Variants in MSH3 observed in about 807,000 individuals in gnomAD.
MSH3 encodes the protein mutS homolog 3, also known as DNA mismatch repair protein Msh3.
MSH3 carries 106 observed loss-of-function variants against 123.3 expected under a neutral mutation model. The observed-to-expected ratio is 0.86, with a 90% CI of 0.73 to 1.01. The LOEUF (loss-of-function observed/expected upper bound fraction) is 1.01. MSH3 is among the 50% of genes least tolerant of loss of function. The probability of loss-of-function intolerance (pLI) is 0.00; values close to 1 mark genes in which losing one functional copy is unlikely to be tolerated. For synonymous variants in MSH3, 515 were observed against 481.4 expected (o/e 1.07, Z -0.91); for missense variants, 1,459 against 1,347.6 (o/e 1.08, Z -1.29).
chr5:80,705,453 C>G (rs1280528911), intron 8 of MSH3, among the ~76,000 whole-genome samples: 1 of 152,290 alleles, frequency 6.6e-6, no homozygotes, highest in South Asian at 2.1e-4. Flanking sequence ...GGAATATTTG[C>G]ACTCGTAATT....
intron 19 of MSH3, among the ~76,000 whole-genome samples, chr5:80,803,247 T>C (rs857290): frequency 0.74 from 111,666 of 151,858 alleles, 41,308 homozygotes; most frequent in East Asian, 0.96. Flanking sequence ...CATTTGTTAT[T>C]GCATGTCTTT....
intron 22 of MSH3, among the ~76,000 whole-genome samples, chr5:80,865,906 A>G (rs890100328): frequency 6.6e-6 from 1 of 152,210 alleles, no homozygotes; most frequent in Non-Finnish European, 1.5e-5. Context: ...CCACCATGCA[A>G]TCTTGAAAAA....
intron 20 of MSH3, among the ~76,000 whole-genome samples, chr5:80,814,776 GAT>G (rs1745073302): frequency 2.6e-5 from 4 of 152,132 alleles, no homozygotes; most frequent in Admixed American, 2.0e-4. Flanking sequence ...TCATTTTGTT[GAT>G]ATCCCTTTTT....
Position 80,734,190 on chromosome 5 carries a change from A to G in MSH3, c.1568+5225A>G, listed in dbSNP as rs572469792. Reference sequence around the variant, plus strand: ...GAAAATATTATGGTAGTTGAAAGACATCAGTCACAAAAAGTCTCGTTTTGT... The same window carrying G: ...GAAAATATTATGGTAGTTGAAAGACGTCAGTCACAAAAAGTCTCGTTTTGT... On this transcript the variant is annotated intron_variant, in intron 10 of 23. Coordinates refer to ENST00000265081, the MANE Select transcript of MSH3 (RefSeq NM_002439.5). Among the ~76,000 whole-genome samples the G allele has an allele frequency of 2.6e-5, 4 of 152,348 alleles. No homozygotes were observed. The South Asian group carries it at 8.3e-4, about 32-fold the overall frequency.
intron 20 of MSH3, among the ~76,000 whole-genome samples, chr5:80,845,369 A>G (rs887978760): frequency 1.3e-5 from 2 of 152,040 alleles, no homozygotes; most frequent in African/African-American, 2.4e-5. Context: ...GAATCTGACA[A>G]TTATGTGTCT....
intron 3 of MSH3, 49 bp from the exon 4 acceptor site, chr5:80,670,045 CTTA>C: frequency 6.5e-7 from 1 of 1,544,624 alleles, no homozygotes; most frequent in Non-Finnish European, 8.9e-7. Context: ...TCTCTGGGAA[CTTA>C]TTATTGTGGT....
intron 20 of MSH3, among the ~76,000 whole-genome samples, chr5:80,825,380 CT>C (rs1441083036): frequency 6.6e-6 from 1 of 152,102 alleles, no homozygotes; most frequent in Non-Finnish European, 1.5e-5. Context: ...CTGTAAGTGG[CT>C]TTTTCCCCCC....
intron 20 of MSH3, among the ~76,000 whole-genome samples, chr5:80,844,167 A>C (rs935590501): frequency 8.5e-5 from 13 of 152,074 alleles, no homozygotes; most frequent in African/African-American, 1.4e-4. Context: ...CCCAGTAGTC[A>C]TTCAGGAGCA....
intron 8 of MSH3, among the ~76,000 whole-genome samples, chr5:80,707,849 A>G (rs962822867): frequency 2.0e-5 from 3 of 152,204 alleles, no homozygotes; most frequent in African/African-American, 7.2e-5. Context: ...GACTCTTGTC[A>G]GTCTTTTAAA....
intron 17 of MSH3, among the ~76,000 whole-genome samples, chr5:80,786,503 CTT>C (rs1050925410): frequency 1.3e-5 from 2 of 152,278 alleles, no homozygotes; most frequent in African/African-American, 4.8e-5. Context: ...ATTTTCCAGT[CTT>C]TGAAGAATTT....
chr5:80,693,006 C>A (rs1341474067), intron 8 of MSH3, among the ~76,000 whole-genome samples: 1 of 137,854 alleles, frequency 7.3e-6, no homozygotes, highest in Non-Finnish European at 1.6e-5. Context: ...AATATACATG[C>A]ACATGTATAT....
At chr5:80,860,663 G>A (rs886762249) in intron 21 of MSH3, among the ~76,000 whole-genome samples, 10 of 151,654 alleles carry the variant, frequency 6.6e-5, no homozygotes, top group East Asian at 1.9e-4. Flanking sequence ...CATTTATCCC[G>A]TTTGGTGTTC....
chr5:80,759,824 A>G (rs935877072), intron 12 of MSH3, among the ~76,000 whole-genome samples: 8 of 152,076 alleles, frequency 5.3e-5, no homozygotes, highest in African/African-American at 1.9e-4. Context: ...TACAGAGTCC[A>G]CCCTGCTGAG....
chr5:80,693,139 ATG>A (rs1750358308), intron 8 of MSH3, among the ~76,000 whole-genome samples: 1 of 102,872 alleles, frequency 9.7e-6, no homozygotes, highest in African/African-American at 3.8e-5. Context: ...ATACATGCAC[ATG>A]TATATGTTTA....
rs763928973 is a variant in MSH3, at chr5:80,654,849, C to A, written c.122C>A (p.Thr41Lys). ...TGSLKSTSSSTGAADQVDPGA... is the reference protein window; with the variant it reads ...TGSLKSTSSSKGAADQVDPGA... ...AGCCTGAAATCCACCTCCTCCTCCA[C>A]AGGTGCAGCCGACCAGGTGGACCCT... is the stretch of plus-strand genomic sequence containing the variant. Residue 41 changes from threonine to lysine, a missense_variant, in exon 1 of 24, where the codon ACA becomes AAA. Coordinates refer to ENST00000265081, the MANE Select transcript of MSH3 (RefSeq NM_002439.5). 25 of 1,604,870 alleles carry A rather than the reference C, an allele frequency of 1.6e-5. No individual in the cohort carries two copies. The highest frequency in any genetic ancestry group is 8.2e-5 in the African/African-American group (6 of 73,252).
chr5:80,729,182 G>C (rs546609613), intron 10 of MSH3, among the ~76,000 whole-genome samples: 1 of 151,914 alleles, frequency 6.6e-6, no homozygotes, highest in Non-Finnish European at 1.5e-5. Flanking sequence ...TTGGGAGGCC[G>C]AGGCGGGCAG....
At chr5:80,784,889 T>C (rs953111271) in intron 17 of MSH3, among the ~76,000 whole-genome samples, 1 of 152,210 alleles carries the variant, frequency 6.6e-6, no homozygotes, top group Admixed American at 6.5e-5. Flanking sequence ...GTATACAGTA[T>C]ACTGTGAATA....
At chr5:80,715,158 C>T (rs1750935867) in intron 8 of MSH3, 1 of 152,182 alleles carries the variant, frequency 6.6e-6, no homozygotes. Context: ...ATAATGCCGC[C>T]CACAGCAAGG....
At chr5:80,745,037 G>C (rs927927444) in intron 12 of MSH3, among the ~76,000 whole-genome samples, 1 of 152,202 alleles carries the variant, frequency 6.6e-6, no homozygotes, top group Non-Finnish European at 1.5e-5. Flanking sequence ...CCCAGGACCT[G>C]AGCTACAGCA....
Sources: allele counts gnomAD v4.1 joint callset (sites outside exome capture counted in the v4.1 genomes callset), GRCh38; gene constraint gnomAD v4.1.1; transcripts MANE v1.5; gene names NCBI Gene and HGNC (gene_info 2026-07-23, HGNC 2026-07-21).